The following PRKCZ variants were observed in gnomAD, a reference collection of about 807,000 sequenced individuals.
PRKCZ encodes the protein protein kinase C zeta.
A neutral mutation model predicts 79.5 loss-of-function variants in PRKCZ; 33 were observed. The ratio of observed to expected loss-of-function variants is 0.41; its 90% confidence interval spans 0.31 to 0.55. The LOEUF (loss-of-function observed/expected upper bound fraction) is 0.55. Among genes scored for constraint, PRKCZ ranks in the 20% least tolerant of loss-of-function variants. The pLI, the probability that PRKCZ is intolerant of heterozygous loss-of-function variation, is 0.19. For synonymous variants in PRKCZ, 342 were observed against 320.9 expected (o/e 1.07, Z -0.70); for missense variants, 578 against 813.5 (o/e 0.71, Z 3.52).
chr1:2,182,827 G>A (rs1377835901), intron 16 of PRKCZ: 10 of 154,454 alleles, frequency 6.5e-5, no homozygotes. Context: ...GGGTGGGCTA[G>A]AGAACGAGCA....
chr1:2,135,307 G>T lies in PRKCZ; in HGVS notation c.380G>T (p.Arg127Leu). Reference sequence around the variant, plus strand: ...GCCAGAAGATGGAGGAAGCTGTACCGTGCCAACGGCCACCTCTTCCAAGCC... The same window carrying T: ...GCCAGAAGATGGAGGAAGCTGTACCTTGCCAACGGCCACCTCTTCCAAGCC... ...RGARRWRKLY[R>L]ANGHLFQAKR... is the part of the protein sequence containing the mutation. The change falls in exon 5 of 18, where the codon CGT (arginine) becomes CTT (leucine). Residue 127 changes from arginine to leucine, a missense_variant. By Grantham distance (102) the Arg-to-Leu change is moderately radical. This residue lies in a region of PRKCZ where 228 missense variants were observed against 211.6 expected (regional missense o/e 1.08). Transcript: ENST00000378567. 1 of 1,613,412 alleles carries T rather than the reference G, an allele frequency of 6.2e-7. No individual in the cohort carries two copies. The highest frequency in any genetic ancestry group is 8.5e-7 in the Non-Finnish European group (1 of 1,179,832).
chr1:2,129,164 C>A (rs905351860), intron 4 of PRKCZ, among the ~76,000 whole-genome samples: 12 of 152,184 alleles, frequency 7.9e-5, no homozygotes, highest in Admixed American at 7.9e-4. Flanking sequence ...AGTCAATTGC[C>A]TGAAGTTCGA....
intron 4 of PRKCZ, 48 bp from the exon 5 acceptor site, chr1:2,135,214 T>C: frequency 1.3e-6 from 2 of 1,524,368 alleles, no homozygotes; most frequent in Non-Finnish European, 1.8e-6. Context: ...CTGCGTGGGC[T>C]CGTGGCTGCC....
intron 4 of PRKCZ, among the ~76,000 whole-genome samples, chr1:2,093,013 A>AC (rs1179603202): frequency 6.6e-6 from 1 of 151,958 alleles, no homozygotes; most frequent in Admixed American, 6.6e-5. Flanking sequence ...GTGCCACCTC[A>AC]CCCCCCAGTT....
chr1:2,133,397 C>T (rs189910372), intron 4 of PRKCZ, among the ~76,000 whole-genome samples: 136 of 149,902 alleles, frequency 9.1e-4, no homozygotes, highest in African/African-American at 3.2e-3. Flanking sequence ...CCCTCAGCTC[C>T]ACCCCCAGCT....
At chr1:2,057,317 G>A (rs1239214992) in intron 3 of PRKCZ, among the ~76,000 whole-genome samples, 1 of 152,186 alleles carries the variant, frequency 6.6e-6, no homozygotes, top group Admixed American at 6.5e-5. Context: ...TACTGCTGGG[G>A]GTCTGCAGGG....
chr1:2,053,429 T>G lies in PRKCZ; in HGVS notation c.72-2012T>G, dbSNP rs991403687. Among the ~76,000 whole-genome samples the G allele has an allele frequency of 7.9e-5, 12 of 152,166 alleles. 1 individual carries two copies. Among genetic ancestry groups the G allele is most frequent in the African/African-American group, 2.9e-4 (12 of 41,426 alleles). ...CAGACAACGTTTGTGTTCAGGGAGC[T>G]TCTGTGTGCAAAGCCCAGGGCTTGG... On this transcript the variant is annotated intron_variant, in intron 1 of 17. Transcript: ENST00000378567.
At chr1:2,101,501 G>A (rs1212500212) in intron 4 of PRKCZ, among the ~76,000 whole-genome samples, 2 of 152,162 alleles carry the variant, frequency 1.3e-5, no homozygotes, top group Non-Finnish European at 2.9e-5. Context: ...TTGTTTCTGT[G>A]TTTGTTCCAT....
At chr1:2,136,190 T>C (rs1478736643) in intron 5 of PRKCZ, among the ~76,000 whole-genome samples, 3 of 152,174 alleles carry the variant, frequency 2.0e-5, no homozygotes, top group South Asian at 2.1e-4. Context: ...TGCCCCTCCT[T>C]CTACTCCCAT....
chr1:2,146,290 G>A lies in PRKCZ; in HGVS notation c.634+182G>A, dbSNP rs567582481. ...TCTCCAGGGCCTCCTCTCAATCCCCGGCAGAGATGAGCAGGGTGAGCTGGC... is the reference window on the plus strand; with the variant it reads ...TCTCCAGGGCCTCCTCTCAATCCCCAGCAGAGATGAGCAGGGTGAGCTGGC... On this transcript the variant is annotated intron_variant, in intron 7 of 17. Coordinates refer to ENST00000378567, the MANE Select transcript of PRKCZ (RefSeq NM_002744.6). Among the ~76,000 whole-genome samples, 53 of 152,296 alleles carry A rather than the reference G, an allele frequency of 3.5e-4. 1 individual carries two copies. The South Asian group carries it at 9.1e-3, about 26-fold the overall frequency.
chr1:2,085,690 G>C (rs1463953924), intron 4 of PRKCZ, among the ~76,000 whole-genome samples: 71 of 138,722 alleles, frequency 5.1e-4, no homozygotes, highest in African/African-American at 1.8e-3. Context: ...CGTGCTGGAG[G>C]GGCTGAGGAC....
intron 16 of PRKCZ, among the ~76,000 whole-genome samples, chr1:2,176,394 G>A (rs1272624186): frequency 1.3e-5 from 2 of 151,984 alleles, no homozygotes; most frequent in African/African-American, 2.4e-5. Context: ...TTCCAGCGCC[G>A]CTCGGTCGTG....
intron 4 of PRKCZ, among the ~76,000 whole-genome samples, chr1:2,131,630 G>T (rs1187651187): frequency 6.6e-6 from 1 of 152,176 alleles, no homozygotes; most frequent in African/African-American, 2.4e-5. Flanking sequence ...AATATAAAGC[G>T]TGGTAATCGA....
intron 4 of PRKCZ, among the ~76,000 whole-genome samples, chr1:2,076,830 AGTG>A (rs895294138): frequency 6.6e-6 from 1 of 152,096 alleles, no homozygotes; most frequent in African/African-American, 2.4e-5. Context: ...TTGGTCATAA[AGTG>A]GTGGCACTTG....
Position 2,177,322 on chromosome 1 carries a change from C to G in PRKCZ, c.1575+2009C>G, listed in dbSNP as rs1572025441. Among the ~76,000 whole-genome samples the G allele has an allele frequency of 6.6e-6, 1 of 152,170 alleles. No individual in the cohort carries two copies. The highest frequency in any genetic ancestry group is 2.4e-5 in the African/African-American group (1 of 41,416). ...AGCCAGCATCCCCGCTCCCAGCCAC[C>G]TCCCCTCGCCCGTCTCAGCTCAGTC... On this transcript the variant is annotated intron_variant, in intron 16 of 17. Transcript: ENST00000378567. The surrounding 1 kb of genome is among the most constrained non-coding windows in gnomAD (Gnocchi z 6.4).
intron 4 of PRKCZ, among the ~76,000 whole-genome samples, chr1:2,102,878 C>A (rs559314065): frequency 6.6e-6 from 1 of 151,768 alleles, no homozygotes; most frequent in African/African-American, 2.4e-5. Context: ...GGCCCCTCCC[C>A]CCGTCTGTCT....
intron 4 of PRKCZ, among the ~76,000 whole-genome samples, chr1:2,126,675 T>C (rs1673958220): frequency 6.6e-6 from 1 of 152,200 alleles, no homozygotes; most frequent in Non-Finnish European, 1.5e-5. Flanking sequence ...GGCCACAGCC[T>C]GTGGTTGGGG....
intron 4 of PRKCZ, among the ~76,000 whole-genome samples, chr1:2,097,878 G>A (rs1054133851): frequency 1.3e-5 from 2 of 152,254 alleles, no homozygotes; most frequent in East Asian, 1.9e-4. Flanking sequence ...ACACCTGAAC[G>A]AGGGAGGTGG....
intron 4 of PRKCZ, among the ~76,000 whole-genome samples, chr1:2,085,167 G>A (rs556678211): frequency 6.6e-6 from 1 of 152,290 alleles, no homozygotes; most frequent in African/African-American, 2.4e-5. Flanking sequence ...AGAGGCAGCT[G>A]AGTGGGTATT....
Sources: allele counts gnomAD v4.1 joint callset (sites outside exome capture counted in the v4.1 genomes callset), GRCh38; gene constraint gnomAD v4.1.1; regional missense constraint gnomAD v4.1.1; non-coding constraint Gnocchi (gnomAD v3.1); transcripts MANE v1.5; gene names NCBI Gene and HGNC (gene_info 2026-07-23, HGNC 2026-07-21).